RERG: variants seen among roughly 807,000 people sequenced by gnomAD.
RERG encodes ras-related and estrogen-regulated growth inhibitor.
In RERG, 25 loss-of-function variants were observed where a neutral mutation model predicts 23.2. The observed-to-expected ratio is 1.08, with a 90% CI of 0.79 to 1.50. The LOEUF (loss-of-function observed/expected upper bound fraction) is 1.50, where lower values mean the gene tolerates loss of function less well. RERG is among the 40% of genes most tolerant of loss of function. The pLI is 0.00. For synonymous variants in RERG, 81 were observed against 89.1 expected (o/e 0.91, Z 0.51); for missense variants, 253 against 250.1 (o/e 1.01, Z -0.08).
intron 2 of RERG, among the ~76,000 whole-genome samples, chr12:15,203,778 T>G (rs1407961595): frequency 6.6e-6 from 1 of 151,472 alleles, no homozygotes. Context: ...ACTAAACAAA[T>G]TATTCAAAAA....
intron 2 of RERG, among the ~76,000 whole-genome samples, chr12:15,129,884 C>A (rs1864014361): frequency 6.6e-6 from 1 of 152,062 alleles, no homozygotes; most frequent in South Asian, 2.1e-4. Flanking sequence ...TTGATCTGAT[C>A]ATCTTGGGGA....
chr12:15,153,837 A>T (rs1476682676), intron 2 of RERG, among the ~76,000 whole-genome samples: 1 of 152,196 alleles, frequency 6.6e-6, no homozygotes, highest in Admixed American at 6.5e-5. Flanking sequence ...GACCTTATTT[A>T]AAAATAAGAT....
intron 2 of RERG, among the ~76,000 whole-genome samples, chr12:15,176,249 T>G (rs2136125464): frequency 6.6e-6 from 1 of 152,288 alleles, no homozygotes; most frequent in Non-Finnish European, 1.5e-5. Flanking sequence ...ACTGTTTTAT[T>G]TAGGCAATTG....
intron 2 of RERG, among the ~76,000 whole-genome samples, chr12:15,166,234 C>A (rs1270505920): frequency 2.0e-5 from 3 of 152,134 alleles, no homozygotes; most frequent in Admixed American, 2.0e-4. Flanking sequence ...AGAGAGTAAG[C>A]CCAGGGTTTC....
intron 2 of RERG, among the ~76,000 whole-genome samples, chr12:15,131,263 G>A (rs536177299): frequency 6.6e-6 from 1 of 152,144 alleles, no homozygotes; most frequent in Non-Finnish European, 1.5e-5. Context: ...AAAGGGTTTT[G>A]TGTCCAAGAT....
intron 2 of RERG, among the ~76,000 whole-genome samples, chr12:15,215,436 C>T (rs1411476752): frequency 6.6e-6 from 1 of 152,098 alleles, no homozygotes; most frequent in Non-Finnish European, 1.5e-5. Flanking sequence ...AGTGTGATGT[C>T]ATGGGAGCCT....
At chr12:15,180,477 C>T (rs564687547) in intron 2 of RERG, among the ~76,000 whole-genome samples, 97 of 152,230 alleles carry the variant, frequency 6.4e-4, no homozygotes, top group African/African-American at 2.3e-3. Flanking sequence ...AGCCCTATCT[C>T]TCTGTACAGG....
Position 15,195,467 on chromosome 12 carries a change from T to C in RERG, c.61+21962A>G, listed in dbSNP as rs1420641615. Among the ~76,000 whole-genome samples, 6 of 152,010 alleles carry C rather than the reference T, an allele frequency of 3.9e-5. No homozygotes were observed. The South Asian group carries it at 8.3e-4, about 21-fold the overall frequency. On this transcript the variant is annotated intron_variant, in intron 2 of 4. Transcript: ENST00000256953. ...CTTGCTAAGTAGGTGGCCTTCACCCTATTCCACAAAAGATTATGTATTCCA... is the reference window on the plus strand; with the variant it reads ...CTTGCTAAGTAGGTGGCCTTCACCCCATTCCACAAAAGATTATGTATTCCA...
intron 2 of RERG, among the ~76,000 whole-genome samples, chr12:15,143,207 AATTAATGAG>A (rs1035126616): frequency 3.9e-5 from 6 of 152,334 alleles, no homozygotes; most frequent in Non-Finnish European, 8.8e-5. Flanking sequence ...ATTCGACGGT[AATTAATGAG>A]ATTTTCCCTA....
At chr12:15,166,912 A>G (rs1258415774) in intron 2 of RERG, among the ~76,000 whole-genome samples, 2 of 152,004 alleles carry the variant, frequency 1.3e-5, no homozygotes, top group African/African-American at 4.8e-5. Flanking sequence ...CAGGTTAGTT[A>G]CATATGTATA....
chr12:15,124,916 T>C (rs977103586), intron 2 of RERG, among the ~76,000 whole-genome samples: 2 of 80,460 alleles, frequency 2.5e-5, no homozygotes, highest in African/African-American at 9.7e-5. Context: ...ACATCATGAA[T>C]GCCTTTTGAA....
intron 2 of RERG, among the ~76,000 whole-genome samples, chr12:15,184,953 T>G (rs1408708430): frequency 2.0e-5 from 3 of 152,150 alleles, no homozygotes; most frequent in Admixed American, 6.6e-5. Flanking sequence ...CAATGGAAAG[T>G]GACAAAAAAG....
chr12:15,217,405 T>C (rs1555133176), intron 2 of RERG, 24 bp downstream of exon 2: 1 of 1,563,368 alleles, frequency 6.4e-7, no homozygotes, highest in South Asian at 1.1e-5. Flanking sequence ...ACACACACTA[T>C]AACAACCACA....
chr12:15,174,840 T>C (rs11836295), intron 2 of RERG, among the ~76,000 whole-genome samples: 17,987 of 152,090 alleles, frequency 0.12, 1,101 homozygotes, highest in Middle Eastern at 0.15. Context: ...TGATATTCTC[T>C]ATTTGGTGAG....
chr12:15,148,299 T>G (rs894406169), intron 2 of RERG, among the ~76,000 whole-genome samples: 3 of 152,048 alleles, frequency 2.0e-5, no homozygotes, highest in African/African-American at 7.2e-5. Context: ...CTGGCCATGA[T>G]GGGGACTTCT....
At chr12:15,219,073 A>C (rs78159055) in intron 1 of RERG, among the ~76,000 whole-genome samples, 10,073 of 152,232 alleles carry the variant, frequency 0.066, 1,111 homozygotes, top group African/African-American at 0.23. Flanking sequence ...TCAATGGCTT[A>C]AACCTAAATA....
At chr12:15,176,507 A>G (rs987756483) in intron 2 of RERG, among the ~76,000 whole-genome samples, 4 of 152,024 alleles carry the variant, frequency 2.6e-5, no homozygotes, top group Non-Finnish European at 5.9e-5. Context: ...GGGCTTTCAC[A>G]TTTCTCCTGT....
chr12:15,187,183 A>G (rs1865004226), intron 2 of RERG, among the ~76,000 whole-genome samples: 2 of 152,090 alleles, frequency 1.3e-5, no homozygotes, highest in African/African-American at 2.4e-5. Flanking sequence ...TGACCTTTCA[A>G]GAGCAGAGGG....
At chr12:15,170,400 G>C (rs1449166527) in intron 2 of RERG, among the ~76,000 whole-genome samples, 1 of 152,054 alleles carries the variant, frequency 6.6e-6, no homozygotes, top group Non-Finnish European at 1.5e-5. Flanking sequence ...TTTCTGCCCA[G>C]TTTAGCCCTG....
Sources: gnomAD v4.1 joint callset for allele counts (sites outside exome capture counted in the v4.1 genomes callset) on GRCh38, gnomAD v4.1.1 for gene constraint, MANE v1.5 for transcripts, NCBI Gene and HGNC (gene_info 2026-07-23, HGNC 2026-07-21) for gene names.